The following MAMDC2 variants were observed in gnomAD, a reference collection of about 807,000 sequenced individuals.
The protein encoded by MAMDC2 is MAM domain containing 2.
A neutral mutation model predicts 89.8 loss-of-function variants in MAMDC2; 57 were observed. That is an observed-to-expected ratio of 0.63 (90% CI 0.51 to 0.79). MAMDC2 has a LOEUF of 0.79. MAMDC2 is among the 30% of genes least tolerant of loss of function. MAMDC2 has a pLI of 0.00. For synonymous variants in MAMDC2, 313 were observed against 293.4 expected, an observed-to-expected ratio of 1.07 and a Z score of -0.68; for missense variants, 800 against 820.6, an observed-to-expected ratio of 0.97 and a Z score of 0.31.
At chr9:70,145,749 T>C (rs1263168436) in intron 9 of MAMDC2, among the ~76,000 whole-genome samples, 3 of 152,190 alleles carry the variant, frequency 2.0e-5, no homozygotes, top group African/African-American at 4.8e-5. Context: ...TATTTATTTA[T>C]TTATTCATTC....
intron 11 of MAMDC2, among the ~76,000 whole-genome samples, chr9:70,178,243 G>GA (rs2032557699): frequency 6.6e-6 from 1 of 152,130 alleles, no homozygotes. Flanking sequence ...AGTTCTAGGG[G>GA]CTGCAAAGTC....
intron 11 of MAMDC2, among the ~76,000 whole-genome samples, chr9:70,201,264 G>C (rs201946084): frequency 0.3 from 1,609 of 5,426 alleles, 310 homozygotes; most frequent in Middle Eastern, 0.71. Context: ...TAGCATGAAG[G>C]GTTGTTGAAT....
chr9:70,145,002 C>T (rs903353905), intron 9 of MAMDC2, among the ~76,000 whole-genome samples: 1 of 152,182 alleles, frequency 6.6e-6, no homozygotes, highest in African/African-American at 2.4e-5. Flanking sequence ...GTTTCCATTG[C>T]TAGGTAAGAA....
In MAMDC2 at chr9:70,066,711, G is replaced by T. The variant is rs138998513; in HGVS notation, c.148+22014G>T. Among the ~76,000 whole-genome samples the T allele has an allele frequency of 3.0e-3, 455 of 152,302 alleles. 2 individuals carry two copies. Among genetic ancestry groups the T allele is most frequent in the African/African-American group, 0.01 (431 of 41,574 alleles). The stretch of plus-strand genomic sequence containing the variant: ...TTCTAATTGGCATCCCAGAGTGGGG[G>T]TTTTTCTACAATTCATCTGTCTTTT... On this transcript the variant is annotated intron_variant, in intron 2 of 13. Transcript: ENST00000377182.
At chr9:70,045,138 G>A (rs917317052) in intron 2 of MAMDC2, among the ~76,000 whole-genome samples, 4 of 152,244 alleles carry the variant, frequency 2.6e-5, no homozygotes, top group African/African-American at 9.6e-5. Context: ...CCACAATTCT[G>A]TGATGGGACG....
intron 2 of MAMDC2, among the ~76,000 whole-genome samples, chr9:70,046,716 C>T (rs986378383): frequency 6.6e-6 from 1 of 152,258 alleles, no homozygotes; most frequent in African/African-American, 2.4e-5. Flanking sequence ...AATAGTATAA[C>T]GAAGGCACTG....
rs1335121220 is a variant in MAMDC2 at position 70,113,035 on chromosome 9, C to T, written c.546C>T (p.Asn182=). The part of the protein sequence containing the change: ...FEENHLCGFV[N]RWNPNVNWFV... ...AAAATCATCTCTGTGGCTTTGTGAA[C>T]CGCTGGAATCCCAATGTGAACTGGT... The change falls in exon 5 of 14, where the codon AAC becomes AAT. Residue 182 remains asparagine (N), a synonymous_variant. Transcript: ENST00000377182. 14 of 1,614,114 alleles carry T rather than the reference C, an allele frequency of 8.7e-6. No homozygotes were observed. The highest frequency in any genetic ancestry group is 1.2e-5 in the Non-Finnish European group (14 of 1,179,982).
chr9:70,222,336 T>C (rs73452732), intron 12 of MAMDC2, among the ~76,000 whole-genome samples: 1,808 of 152,228 alleles, frequency 0.012, 26 homozygotes, highest in African/African-American at 0.04. Flanking sequence ...GAAATCCAAA[T>C]GGTTGTAAGT....
intron 11 of MAMDC2, among the ~76,000 whole-genome samples, chr9:70,185,138 C>T (rs2032724741): frequency 6.6e-6 from 1 of 152,204 alleles, no homozygotes; most frequent in South Asian, 2.1e-4. Context: ...AGTCAGGCCC[C>T]TCTTCTGCAG....
intron 12 of MAMDC2, among the ~76,000 whole-genome samples, chr9:70,224,786 C>G (rs935427069): frequency 1.3e-5 from 2 of 152,178 alleles, no homozygotes; most frequent in East Asian, 1.9e-4. Flanking sequence ...AAGTTGACAC[C>G]TGAAATCCAC....
intron 2 of MAMDC2, among the ~76,000 whole-genome samples, chr9:70,107,089 G>A (rs748309083): frequency 1.3e-5 from 2 of 152,148 alleles, no homozygotes; most frequent in Non-Finnish European, 2.9e-5. Context: ...CAGGTTAAAT[G>A]ACAGCCATGA....
chr9:70,113,197 C>T (rs1828557898), intron 5 of MAMDC2, 65 bp downstream of exon 5: 2 of 1,560,232 alleles, frequency 1.3e-6, no homozygotes, highest in East Asian at 2.3e-5. Flanking sequence ...CTCCCACTTC[C>T]TGCACTGACC....
intron 11 of MAMDC2, among the ~76,000 whole-genome samples, chr9:70,197,719 A>AAAAAC (rs374816442): frequency 1.3e-4 from 20 of 152,110 alleles, no homozygotes; most frequent in East Asian, 7.7e-4. Context: ...AGTTTTTGGC[A>AAAAAC]AAAACAAAAC....
At position 70,218,636 on chromosome 9, in the gene MAMDC2, G is replaced by A. The variant is rs747249223; in HGVS notation, c.1911+40G>A. ...ATAAGAACTAAGCAATGGAAAACGT[G>A]TAGGAGCTTCTGATGTTCTTTCTTA... On this transcript the variant is annotated intron_variant, in intron 12 of 13. Coordinates refer to ENST00000377182, the MANE Select transcript of MAMDC2 (RefSeq NM_153267.5). 6.5e-6 allele frequency: 10 copies of A among 1,532,026 alleles called. No homozygotes were observed. The South Asian group carries it at 1.2e-4, about 18-fold the overall frequency. The allele number at this position is 1,532,026 out of a possible 1,614,324, so 94.9% of individuals were successfully genotyped here. A position where few individuals can be genotyped will look rare whatever the true frequency, so the allele number is the denominator to read the frequency against.
intron 5 of MAMDC2, among the ~76,000 whole-genome samples, chr9:70,115,232 G>C (rs1380827867): frequency 6.6e-6 from 1 of 151,888 alleles, no homozygotes; most frequent in Admixed American, 6.6e-5. Context: ...GAGTACAGAA[G>C]AATCCCCCAG....
intron 11 of MAMDC2, among the ~76,000 whole-genome samples, chr9:70,199,462 T>C (rs2033051189): frequency 6.7e-6 from 1 of 150,326 alleles, no homozygotes; most frequent in South Asian, 2.2e-4. Context: ...GTTGGACATT[T>C]GGGTTGGTTC....
chr9:70,065,579 CTTTT>C (rs34893537), intron 2 of MAMDC2, among the ~76,000 whole-genome samples: 14 of 141,384 alleles, frequency 9.9e-5, no homozygotes, highest in Admixed American at 2.1e-4. Flanking sequence ...ACCCCACGTC[CTTTT>C]TTTTTTTTTT....
chr9:70,143,199 G>C (rs112310250), intron 8 of MAMDC2, among the ~76,000 whole-genome samples: 4 of 152,160 alleles, frequency 2.6e-5, no homozygotes, highest in African/African-American at 9.7e-5. Context: ...TTCAGTCCTC[G>C]GAATGTACAA....
intron 11 of MAMDC2, among the ~76,000 whole-genome samples, chr9:70,207,728 T>C (rs1486228928): frequency 1.3e-5 from 2 of 152,202 alleles, no homozygotes; most frequent in Admixed American, 6.5e-5. Flanking sequence ...CTGAATGGTA[T>C]TGCCTAGGTT....
Sources: allele counts gnomAD v4.1 joint callset (sites outside exome capture counted in the v4.1 genomes callset), GRCh38; gene constraint gnomAD v4.1.1; transcripts MANE v1.5; gene names NCBI Gene and HGNC (gene_info 2026-07-23, HGNC 2026-07-21).